THUMPD2: variants seen among roughly 807,000 people sequenced by gnomAD.
THUMPD2 encodes THUMP domain 2 tRNA and snRNA guanosine methyltransferase, also known as U6 snRNA (guanine-N(2))-methyltransferase THUMPD2.
THUMPD2 carries 56 observed loss-of-function variants against 49.4 expected under a neutral mutation model. The observed-to-expected ratio is 1.13, with a 90% CI of 0.91 to 1.41. The LOEUF is 1.41. Among genes scored for constraint, THUMPD2 ranks in the 40% most tolerant of loss-of-function variants. The pLI, the probability that THUMPD2 is intolerant of heterozygous loss-of-function variation, is 0.00. For synonymous variants in THUMPD2, 237 were observed against 205.2 expected (o/e 1.15, Z -1.32); for missense variants, 709 against 594.5 (o/e 1.19, Z -2.00).
In THUMPD2 at chr2:39,769,896, C is replaced by A; in HGVS notation, c.486G>T (p.Gln162His). The A allele has an allele frequency of 6.3e-7, 1 of 1,598,102 alleles. No homozygotes were observed. Among genetic ancestry groups the A allele is most frequent in the South Asian group, 1.1e-5 (1 of 87,196 alleles). ...TTTCTTCTTTTATTTGTTTTTCCAG[C>A]TGGCAGTCCCTATTCTCTTCTATCT... Reference protein sequence around the residue: ...MQKIEENRDCQLEKQIKEETL... With the variant: ...MQKIEENRDCHLEKQIKEETL... Residue 162 changes from glutamine (Q) to histidine (H), a missense_variant, in exon 3 of 10, where the codon CAG (glutamine) becomes CAT (histidine). Physicochemically the swap from Gln to His is conservative, Grantham distance 24. Transcript: ENST00000505747.
chr2:39,755,894 A>G lies in THUMPD2; in HGVS notation c.958T>C (p.Trp320Arg). ...TACCAAACTTTAGAACTTACTGGCC[A>G]TTCTTTAGCAGCTTCCAAAAGTATT... ...GTILLEAAKE[W>R]PDVYYVGADV... is the part of the protein sequence containing the mutation. Residue 320 changes from tryptophan to arginine, a missense_variant, in exon 7 of 10, where the codon TGG becomes CGG. Trp to Arg is a moderately radical substitution (Grantham distance 101, BLOSUM62 -3). Coordinates refer to ENST00000505747, the MANE Select transcript of THUMPD2 (RefSeq NM_025264.5). The G allele has an allele frequency of 6.2e-7, 1 of 1,613,830 alleles. No homozygotes were observed.
At chr2:39,737,846 G>A (rs1460683577) in intron 9 of THUMPD2, among the ~76,000 whole-genome samples, 1 of 152,328 alleles carries the variant, frequency 6.6e-6, no homozygotes, top group Non-Finnish European at 1.5e-5. Context: ...CAGCAAAGAC[G>A]GGAGGAAGTG....
At chr2:39,743,424 C>T (rs575906765) in intron 9 of THUMPD2, among the ~76,000 whole-genome samples, 2 of 152,316 alleles carry the variant, frequency 1.3e-5, no homozygotes, top group South Asian at 4.1e-4. Context: ...AAGATGAATA[C>T]TTTCACATTT....
At chr2:39,759,520 G>C (rs1676550179) in intron 6 of THUMPD2, among the ~76,000 whole-genome samples, 1 of 151,974 alleles carries the variant, frequency 6.6e-6, no homozygotes, top group African/African-American at 2.4e-5. Context: ...TCCGCCCAAA[G>C]CTTCCCACCC....
intron 5 of THUMPD2, among the ~76,000 whole-genome samples, chr2:39,761,873 GT>G (rs751277307): frequency 1.3e-5 from 2 of 152,084 alleles, no homozygotes; most frequent in Non-Finnish European, 2.9e-5. Flanking sequence ...TTGTAGGTTT[GT>G]TTTTTGGTTA....
intron 8 of THUMPD2, among the ~76,000 whole-genome samples, chr2:39,746,476 C>T (rs1182999103): frequency 6.6e-6 from 1 of 152,108 alleles, no homozygotes; most frequent in African/African-American, 2.4e-5. Flanking sequence ...CGATACGATT[C>T]AACATACAGT....
intron 3 of THUMPD2, chr2:39,769,096 G>A: frequency 2.3e-6 from 3 of 1,303,800 alleles, no homozygotes; most frequent in Non-Finnish European, 3.0e-6. Context: ...TACAGGACCT[G>A]TGCAGAGTAG....
intron 9 of THUMPD2, among the ~76,000 whole-genome samples, chr2:39,739,147 A>C (rs961245546): frequency 1.3e-5 from 2 of 152,162 alleles, no homozygotes; most frequent in African/African-American, 4.8e-5. Context: ...TCCACACAGA[A>C]GACAAATGTA....
chr2:39,736,210 CTTAA>C lies in THUMPD2; in HGVS notation c.*521_*524del, dbSNP rs1234394240. 1 of 152,240 alleles carries C rather than the reference CTTAA, an allele frequency of 6.6e-6. No individual in the cohort carries two copies. Among genetic ancestry groups the C allele is most frequent in the African/African-American group, 2.4e-5 (1 of 41,412 alleles). 9.4% of individuals were successfully genotyped at this position (152,240 alleles called of 1,614,324 possible). A position where few individuals can be genotyped will look rare whatever the true frequency, so the allele number is the denominator to read the frequency against. On this transcript the variant is annotated 3_prime_UTR_variant, in exon 10 of 10. Transcript: ENST00000505747. ...TCCATCATGTTTTGAAGGATACTGGCTTAATTCAGTTATTATTCTCACTGTTGGT... is the reference window on the plus strand; with the variant it reads ...TCCATCATGTTTTGAAGGATACTGGCTTCAGTTATTATTCTCACTGTTGGT...
In THUMPD2 at chr2:39,778,980, C is replaced by T. The variant is rs147818709; in HGVS notation, c.126+134G>A. ...CGGAGCGGAAGCGCCTGCCAGTCAA[C>T]CTCGGGGGTCGGCGACCGTCGCGTG... On this transcript the variant is annotated intron_variant, in intron 1 of 9. Coordinates refer to ENST00000505747, the MANE Select transcript of THUMPD2 (RefSeq NM_025264.5). 125 of 1,201,466 alleles carry T rather than the reference C, an allele frequency of 1.0e-4. No homozygotes were observed. In the African/African-American group the frequency reaches 1.8e-3, roughly 17 times the overall value. The allele number at this position is 1,201,466 out of a possible 1,614,324, so 74.4% of individuals were successfully genotyped here.
intron 5 of THUMPD2, 130 bp downstream of exon 5, chr2:39,765,925 CAA>C (rs777053755): frequency 1.9e-5 from 14 of 730,554 alleles, no homozygotes; most frequent in Non-Finnish European, 3.2e-5. Context: ...TTGTCTTAAG[CAA>C]AGAATTCAAA....
chr2:39,747,321 T>C (rs1674736007), intron 8 of THUMPD2, among the ~76,000 whole-genome samples: 1 of 152,224 alleles, frequency 6.6e-6, no homozygotes, highest in Non-Finnish European at 1.5e-5. Flanking sequence ...GCTGAATTTG[T>C]TTTCTTTGAT....
intron 8 of THUMPD2, among the ~76,000 whole-genome samples, chr2:39,750,701 T>C (rs113057603): frequency 0.03 from 3,446 of 115,502 alleles, 122 homozygotes; most frequent in African/African-American, 0.13. Context: ...GGCAAGACTG[T>C]TTCAAAAAAC....
chr2:39,778,964 A>G (rs962177845), intron 1 of THUMPD2, 150 bp downstream of exon 1: 2 of 1,029,326 alleles, frequency 1.9e-6, no homozygotes, highest in Admixed American at 8.4e-5. Flanking sequence ...CCGGAGCGGA[A>G]GCGCCTGCCA....
chr2:39,745,739 CTATATTA>C (rs921429292), intron 8 of THUMPD2, among the ~76,000 whole-genome samples: 2 of 152,160 alleles, frequency 1.3e-5, no homozygotes, highest in African/African-American at 4.8e-5. Context: ...CTTTGCTGCT[CTATATTA>C]TATAATATGC....
intron 8 of THUMPD2, among the ~76,000 whole-genome samples, chr2:39,747,787 G>T (rs1341339389): frequency 2.0e-5 from 3 of 152,086 alleles, no homozygotes; most frequent in Non-Finnish European, 2.9e-5. Flanking sequence ...CCAGTTCACA[G>T]TCCCTCCATT....
intron 9 of THUMPD2, among the ~76,000 whole-genome samples, chr2:39,739,001 C>G (rs1003452580): frequency 2.0e-5 from 3 of 152,168 alleles, no homozygotes; most frequent in Admixed American, 6.5e-5. Flanking sequence ...AATCCATCAG[C>G]AAAGCTAGAC....
At chr2:39,750,039 G>A (rs999515070) in intron 8 of THUMPD2, among the ~76,000 whole-genome samples, 1 of 152,200 alleles carries the variant, frequency 6.6e-6, no homozygotes, top group African/African-American at 2.4e-5. Context: ...TTGCTATCAT[G>A]AATAGTGCTC....
chr2:39,772,025 A>C (rs1323420315), intron 1 of THUMPD2, among the ~76,000 whole-genome samples: 4 of 152,024 alleles, frequency 2.6e-5, no homozygotes, highest in Non-Finnish European at 5.9e-5. Context: ...AATAACTTGA[A>C]TTAAATCCAG....
Sources: gnomAD v4.1 joint callset for allele counts (sites outside exome capture counted in the v4.1 genomes callset) on GRCh38, gnomAD v4.1.1 for gene constraint, MANE v1.5 for transcripts, NCBI Gene and HGNC (gene_info 2026-07-23, HGNC 2026-07-21) for gene names.